NSDHL: variants seen among roughly 807,000 people sequenced by gnomAD.
The protein encoded by NSDHL is NAD(P) dependent 3-beta-hydroxysteroid dehydrogenase NSDHL.
Under a neutral mutation model 23.0 loss-of-function variants are expected in NSDHL, and 1 was observed. The ratio of observed to expected loss-of-function variants is 0.04; its 90% CI spans 0.02 to 0.21. NSDHL has a LOEUF of 0.21. Among genes scored for constraint, NSDHL ranks in the 10% least tolerant of loss-of-function variants. The pLI is 1.00. For synonymous variants in NSDHL, 128 were observed against 121.1 expected, an observed-to-expected ratio of 1.06 and a Z score of -0.37; for missense variants, 237 against 300.9, an observed-to-expected ratio of 0.79 and a Z score of 1.57.
chrX:152,858,730 A>C (rs1933480459), intron 3 of NSDHL, 40 bp from the exon 4 acceptor site: 1 of 1,193,746 alleles, frequency 8.4e-7, no homozygotes, highest in African/African-American at 1.8e-5. Flanking sequence ...TTGACCTGTC[A>C]AAGCAGGAAT....
In NSDHL at chrX:152,835,644, G is replaced by A. The variant is rs782378771; in HGVS notation, c.-44+4527G>A. 3.1e-4 allele frequency among the ~76,000 whole-genome samples: 34 copies of A among 111,397 alleles called. 1 individual carries two copies. The South Asian group carries it at 0.012, about 39-fold the overall frequency. On this transcript the variant is annotated intron_variant, in intron 1 of 7. Transcript: ENST00000370274. ...GGACATGAACTCATCATTTTTCATGGCTGCATAGTATTCCATGGTGTATAT... is the reference window on the plus strand; with the variant it reads ...GGACATGAACTCATCATTTTTCATGACTGCATAGTATTCCATGGTGTATAT...
chrX:152,869,195 C>A lies in NSDHL; in HGVS notation c.*79C>A. 2.3e-6 allele frequency: 2 copies of A among 851,141 alleles called. No homozygotes were observed. The highest frequency in any genetic ancestry group is 3.5e-4 in the Middle Eastern group (1 of 2,877). The allele number at this position is 851,141 out of a possible 1,213,427, so 70.1% of individuals were successfully genotyped here. A position where few individuals can be genotyped will look rare whatever the true frequency, so the allele number is the denominator to read the frequency against. On this transcript the variant is annotated 3_prime_UTR_variant, in exon 8 of 8. Transcript: ENST00000370274. ...CCCTGTGGATTGATGAAATAACATC[C>A]TTTGAATGAGTTTGCTCTGAGCCTG...
intron 1 of NSDHL, among the ~76,000 whole-genome samples, chrX:152,839,644 TG>T (rs1933158590): frequency 8.9e-6 from 1 of 112,949 alleles, no homozygotes; most frequent in South Asian, 3.6e-4. Flanking sequence ...TCTTCTGGCT[TG>T]TAGGGTTTCT....
intron 4 of NSDHL, among the ~76,000 whole-genome samples, chrX:152,861,470 T>G (rs1556847517): frequency 8.9e-6 from 1 of 112,888 alleles, no homozygotes; most frequent in Non-Finnish European, 1.9e-5. Context: ...CCCAACCAAT[T>G]TCTTCAAACT....
intron 1 of NSDHL, among the ~76,000 whole-genome samples, chrX:152,841,301 C>A (rs1933188507): frequency 8.9e-6 from 1 of 112,934 alleles, no homozygotes; most frequent in Non-Finnish European, 1.9e-5. Flanking sequence ...GCTCACCCTC[C>A]ATGGGCTGCA....
At chrX:152,867,379 G>A (rs1378417327) in intron 6 of NSDHL, among the ~76,000 whole-genome samples, 192 bp from the exon 7 acceptor site, 1 of 112,236 alleles carries the variant, frequency 8.9e-6, no homozygotes, top group Non-Finnish European at 1.9e-5. Flanking sequence ...TAACCCTGAA[G>A]ACCCAGGAGT....
intron 1 of NSDHL, among the ~76,000 whole-genome samples, chrX:152,842,772 G>T (rs1270200760): frequency 8.9e-6 from 1 of 112,490 alleles, no homozygotes; most frequent in African/African-American, 3.2e-5. Context: ...AAAGTACTGA[G>T]ATTACATGCG....
intron 1 of NSDHL, among the ~76,000 whole-genome samples, chrX:152,834,464 A>C (rs1933061155): frequency 8.8e-6 from 1 of 113,018 alleles, no homozygotes; most frequent in Admixed American, 9.3e-5. Context: ...CAGCATAATC[A>C]AGGCTAAAGT....
chrX:152,834,900 A>G (rs1378470853), intron 1 of NSDHL, among the ~76,000 whole-genome samples: 1 of 112,768 alleles, frequency 8.9e-6, no homozygotes, highest in Non-Finnish European at 1.9e-5. Flanking sequence ...GACTGAAGGG[A>G]TGAGCTCTCA....
At chrX:152,837,206 A>G (rs1371168497) in intron 1 of NSDHL, among the ~76,000 whole-genome samples, 1 of 111,903 alleles carries the variant, frequency 8.9e-6, no homozygotes, top group Non-Finnish European at 1.9e-5. Context: ...CTGAAACGAT[A>G]GGGTTTTCTA....
chrX:152,857,652 A>G (rs1218673031), intron 3 of NSDHL, among the ~76,000 whole-genome samples: 4 of 112,260 alleles, frequency 3.6e-5, no homozygotes, highest in Non-Finnish European at 5.6e-5. Flanking sequence ...CCCCAAAACA[A>G]AAGGCTATAA....
intron 2 of NSDHL, 43 bp downstream of exon 2, chrX:152,846,475 A>G (rs368844438): frequency 1.1e-5 from 10 of 888,640 alleles, no homozygotes; most frequent in African/African-American, 9.8e-5. Context: ...GGCTGATACT[A>G]TTTACCTGTG....
At position 152,865,939 on chromosome X, in the gene NSDHL, G is replaced by A; in HGVS notation, c.664G>A (p.Gly222Ser). 4.9e-6 allele frequency: 6 copies of A among 1,212,300 alleles called. No homozygotes were observed. Among genetic ancestry groups the A allele is most frequent in the South Asian group, 3.5e-5 (2 of 57,061 alleles). ...CATCCTCATCGAGGCAGCCAGGAAC[G>A]GCAAGATGAAGTTCGTGATTGGGTG... ...VPILIEAARNGKMKFVIGNGK... is the reference protein window; with the variant it reads ...VPILIEAARNSKMKFVIGNGK... The change falls in exon 6 of 8, where the codon GGC becomes AGC. Residue 222 changes from glycine to serine, a missense_variant. By Grantham distance (56) the Gly-to-Ser change is moderately conservative (BLOSUM62 0). Transcript: ENST00000370274.
chrX:152,835,105 ACTCGCTTCTCTCTT>A (rs1483072980), intron 1 of NSDHL, among the ~76,000 whole-genome samples: 1 of 111,468 alleles, frequency 9.0e-6, no homozygotes, highest in Non-Finnish European at 1.9e-5. Flanking sequence ...GGTTGGGCTA[ACTCGCTTCTCTCTT>A]CTCGCTTCAC....
intron 1 of NSDHL, among the ~76,000 whole-genome samples, chrX:152,834,111 G>A (rs141102009): frequency 2.6e-4 from 29 of 112,079 alleles, no homozygotes; most frequent in African/African-American, 8.8e-4. Flanking sequence ...CCAGGGGCTC[G>A]TGGTGTCCTA....
chrX:152,854,496 G>A (rs1248293879), intron 3 of NSDHL, among the ~76,000 whole-genome samples: 2 of 109,107 alleles, frequency 1.8e-5, no homozygotes, highest in South Asian at 4.0e-4. Context: ...TGCAGCCTCC[G>A]CCTCCCAGGT....
At chrX:152,836,222 A>G (rs1933094067) in intron 1 of NSDHL, among the ~76,000 whole-genome samples, 1 of 111,994 alleles carries the variant, frequency 8.9e-6, no homozygotes, top group Non-Finnish European at 1.9e-5. Context: ...AGATGGGTAG[A>G]TTGCAAACAT....
intron 1 of NSDHL, among the ~76,000 whole-genome samples, chrX:152,834,865 GT>G (rs1569471085): frequency 8.9e-6 from 1 of 112,856 alleles, no homozygotes; most frequent in Non-Finnish European, 1.9e-5. Flanking sequence ...GGGAAGGGCA[GT>G]TTGCCTGGCA....
At chrX:152,866,421 C>T (rs959406705) in intron 6 of NSDHL, among the ~76,000 whole-genome samples, 5 of 113,092 alleles carry the variant, frequency 4.4e-5, no homozygotes, top group Non-Finnish European at 9.4e-5. Flanking sequence ...TGACCTTGTC[C>T]GCTGTCCTCT....
Sources: allele counts gnomAD v4.1 joint callset (sites outside exome capture counted in the v4.1 genomes callset), GRCh38; gene constraint gnomAD v4.1.1; transcripts MANE v1.5; gene names NCBI Gene and HGNC (gene_info 2026-07-23, HGNC 2026-07-21).